Variants in ZNF799 observed in about 807,000 individuals in gnomAD.
ZNF799 encodes zinc finger protein 799.
ZNF799 carries 28 observed loss-of-function variants against 41.0 expected under a neutral mutation model. The observed-to-expected ratio is 0.68, with a 90% confidence interval of 0.51 to 0.94. The LOEUF (loss-of-function observed/expected upper bound fraction) is 0.94, where lower values mean the gene tolerates loss of function less well. Among genes scored for constraint, ZNF799 ranks in the 40% least tolerant of loss-of-function variants. ZNF799 has a pLI of 0.00. For synonymous variants in ZNF799, 213 were observed against 252.9 expected, an observed-to-expected ratio of 0.84 and a Z score of 1.50; for missense variants, 716 against 764.3, an observed-to-expected ratio of 0.94 and a Z score of 0.74.
intron 1 of ZNF799, among the ~76,000 whole-genome samples, chr19:12,399,082 T>C (rs1032149984): frequency 9.2e-5 from 14 of 152,338 alleles, no homozygotes; most frequent in Middle Eastern, 6.8e-3. Context: ...GGATGTATTT[T>C]AAGGTTAATC....
chr19:12,395,228 C>T (rs1417596779), intron 1 of ZNF799: 1 of 150,692 alleles, frequency 6.6e-6, no homozygotes, highest in Non-Finnish European at 1.5e-5. Flanking sequence ...TACAACCTGA[C>T]TCCCGGGTTC....
At chr19:12,401,880 A>T (rs1412299905), upstream of ZNF799, among the ~76,000 whole-genome samples, 1 of 151,844 alleles carries the variant, frequency 6.6e-6, no homozygotes, top group African/African-American at 2.4e-5. Context: ...GGCTCCAATT[A>T]TACTCTTTTT....
At chr19:12,414,321 T>C in the ZNF799 span, among the ~76,000 whole-genome samples, 1 of 152,150 alleles carries the variant, frequency 6.6e-6, no homozygotes, top group Non-Finnish European at 1.5e-5. Flanking sequence ...TAGTGGTTCC[T>C]AGTGCTGTGA....
Position 12,390,833 on chromosome 19 carries a change from T to C in ZNF799, c.1565A>G (p.His522Arg), listed in dbSNP as rs1225551831. 10 of 1,614,074 alleles carry C rather than the reference T, an allele frequency of 6.2e-6. No individual in the cohort carries two copies. The highest frequency in any genetic ancestry group is 4.0e-5 in the African/African-American group (3 of 74,950). ...AFSHFGNLKVHERIHSGEKPY... is the reference protein window; with the variant it reads ...AFSHFGNLKVRERIHSGEKPY... ...CTTCTCTCCAGAGTGAATTCTTTCA[T>C]GTACTTTTAAGTTACCAAAATGACT... Residue 522 changes from histidine to arginine, a missense_variant, in exon 4 of 4, where the codon CAT (histidine) becomes CGT (arginine). Transcript: ENST00000430385.
At chr19:12,397,578 A>AG (rs1555761939) in intron 1 of ZNF799, among the ~76,000 whole-genome samples, 5 of 150,646 alleles carry the variant, frequency 3.3e-5, no homozygotes, top group South Asian at 4.2e-4. Context: ...AAAAAAAAAA[A>AG]AAAGAAAGAA....
chr19:12,406,191 A>G (rs1045189616), upstream of ZNF799, among the ~76,000 whole-genome samples: 2 of 150,988 alleles, frequency 1.3e-5, no homozygotes, highest in Admixed American at 6.6e-5. Flanking sequence ...AAAAAGAAAA[A>G]AAAAAAGGCC....
the ZNF799 span, among the ~76,000 whole-genome samples, chr19:12,412,683 C>A: frequency 6.6e-6 from 1 of 152,072 alleles, no homozygotes; most frequent in Non-Finnish European, 1.5e-5. Context: ...TGGCTGGCTT[C>A]CAAATTAATC....
upstream of ZNF799, among the ~76,000 whole-genome samples, chr19:12,403,918 G>T (rs193019589): frequency 2.0e-4 from 31 of 152,196 alleles, no homozygotes; most frequent in Admixed American, 4.6e-4. Context: ...TACTGCTTTT[G>T]CTGTATTCCA....
rs1374330254 is a variant in ZNF799, at chr19:12,391,811, G to A, written c.587C>T (p.Pro196Leu). Reference sequence around the variant, plus strand: ...TTTCCCACACAACTTACATTTATAAGGTCCATCTCCACGCTGCACTGCCAT... The same window carrying A: ...TTTCCCACACAACTTACATTTATAAAGTCCATCTCCACGCTGCACTGCCAT... ...RHMAVQRGDG[P>L]YKCKLCGKAF... The change falls in exon 4 of 4, where the codon CCT becomes CTT. Residue 196 changes from proline to leucine, a missense_variant. By Grantham distance (98) the Pro-to-Leu change is moderately conservative (BLOSUM62 -3). Transcript: ENST00000430385. 1.2e-6 allele frequency: 2 copies of A among 1,613,996 alleles called. No homozygotes were observed. The highest frequency in any genetic ancestry group is 3.3e-5 in the Admixed American group (2 of 59,994).
Position 12,399,600 on chromosome 19 carries a change from A to T in ZNF799, c.3+1468T>A, listed in dbSNP as rs1161754614. ...CCTGGGAGGAGTGACCCAGGGGATG[A>T]TATTCACTAGACCCTCCAAGAGACT... On this transcript the variant is annotated intron_variant, in intron 1 of 3. Coordinates refer to ENST00000430385, the MANE Select transcript of ZNF799 (RefSeq NM_001080821.3). Among the ~76,000 whole-genome samples, 3 of 145,952 alleles carry T rather than the reference A, an allele frequency of 2.1e-5. 1 individual carries two copies. The highest frequency in any genetic ancestry group is 8.0e-5 in the African/African-American group (3 of 37,370).
chr19:12,403,722 T>G (rs1970013258), upstream of ZNF799, among the ~76,000 whole-genome samples: 2 of 152,132 alleles, frequency 1.3e-5, no homozygotes, highest in East Asian at 1.9e-4. Context: ...CTGGTTAATT[T>G]TTTGTATTTT....
chr19:12,401,320 G>T, upstream of ZNF799: 1 of 1,188,272 alleles, frequency 8.4e-7, no homozygotes, highest in Non-Finnish European at 1.1e-6. Flanking sequence ...GGCGTCAGGT[G>T]CCGCCCCTCG....
the ZNF799 span, among the ~76,000 whole-genome samples, chr19:12,410,257 A>G: frequency 1.4e-4 from 1 of 7,402 alleles, no homozygotes; most frequent in Non-Finnish European, 2.4e-4. Flanking sequence ...CTGTGTGCAT[A>G]TATATATATA....
intron 1 of ZNF799, chr19:12,398,122 G>A (rs1190131903): frequency 1.3e-5 from 2 of 152,352 alleles, no homozygotes; most frequent in African/African-American, 2.4e-5. Context: ...AGCCAGGCAT[G>A]GCGGCACGCA....
At chr19:12,400,124 G>T (rs116218733) in intron 1 of ZNF799, among the ~76,000 whole-genome samples, 3,570 of 152,270 alleles carry the variant, frequency 0.023, 134 homozygotes, top group African/African-American at 0.081. Context: ...AGCCCTAGGA[G>T]GAGTCAGGAT....
Position 12,401,216 on chromosome 19 carries a change from A to C in ZNF799, c.-146T>G, listed in dbSNP as rs563655579. The C allele has an allele frequency of 7.8e-5, 118 of 1,511,734 alleles. 1 individual carries two copies. In the South Asian group the frequency reaches 1.1e-3, roughly 14 times the overall value. 93.6% of individuals were successfully genotyped at this position (1,511,734 alleles called of 1,614,324 possible). Reference sequence around the variant, plus strand: ...GAGCGCCCAGCGCAGGTGGGTGGAGAAGACGCCGCGGGCTTTTTCAACCAC... The same window carrying C: ...GAGCGCCCAGCGCAGGTGGGTGGAGCAGACGCCGCGGGCTTTTTCAACCAC... On this transcript the variant is annotated 5_prime_UTR_variant, in exon 1 of 4. Transcript: ENST00000430385.
chr19:12,397,744 T>C (rs1969919033), intron 1 of ZNF799, among the ~76,000 whole-genome samples: 1 of 151,728 alleles, frequency 6.6e-6, no homozygotes, highest in African/African-American at 2.4e-5. Context: ...TACATATGAA[T>C]CCAGGTATAT....
chr19:12,407,468 A>G, the ZNF799 span, among the ~76,000 whole-genome samples: 1 of 152,018 alleles, frequency 6.6e-6, no homozygotes, highest in Non-Finnish European at 1.5e-5. Flanking sequence ...ATCTAAAAAA[A>G]AAAAGAGAGA....
intron 1 of ZNF799, 128 bp downstream of exon 1, chr19:12,400,940 C>A (rs1293376701): frequency 3.8e-6 from 6 of 1,569,656 alleles, no homozygotes; most frequent in Non-Finnish European, 5.3e-6. Flanking sequence ...GGCCGACCTA[C>A]GCCAGGGGAA....
Sources: allele counts gnomAD v4.1 joint callset (sites outside exome capture counted in the v4.1 genomes callset), GRCh38; gene constraint gnomAD v4.1.1; transcripts MANE v1.5; gene names NCBI Gene and HGNC (gene_info 2026-07-23, HGNC 2026-07-21).